Variants in PIGL observed in about 807,000 individuals in gnomAD.
PIGL encodes the protein N-acetylglucosaminyl-phosphatidylinositol de-N-acetylase.
Under a neutral mutation model 31.1 loss-of-function variants are expected in PIGL, and 22 were observed. The ratio of observed to expected loss-of-function variants is 0.71; its 90% CI spans 0.51 to 1.01. PIGL has a LOEUF of 1.01. Among genes scored for constraint, PIGL ranks in the 50% least tolerant of loss-of-function variants. The probability of loss-of-function intolerance (pLI) is 0.00; values close to 1 mark genes in which losing one functional copy is unlikely to be tolerated. For missense variants in PIGL, 302 were observed against 315.9 expected (o/e 0.96, Z 0.33); for synonymous variants, 131 against 117.4 (o/e 1.12, Z -0.75).
intron 2 of PIGL, among the ~76,000 whole-genome samples, chr17:16,277,374 G>A (rs1040056098): frequency 2.0e-5 from 3 of 152,180 alleles, no homozygotes; most frequent in African/African-American, 7.2e-5. Context: ...GAGAAATTGG[G>A]CAGAGAGAAA....
chr17:16,266,857 A>G (rs1049743505), intron 2 of PIGL, among the ~76,000 whole-genome samples: 2 of 139,292 alleles, frequency 1.4e-5, no homozygotes, highest in Non-Finnish European at 3.1e-5. Flanking sequence ...TCAGCCTCCC[A>G]AAGTGCTGGG....
At chr17:16,325,183 A>C (rs2093121870) in intron 6 of PIGL, among the ~76,000 whole-genome samples, 1 of 152,028 alleles carries the variant, frequency 6.6e-6, no homozygotes, top group Admixed American at 6.6e-5. Context: ...GCCTCTACTA[A>C]ATATACAAAA....
intron 6 of PIGL, among the ~76,000 whole-genome samples, chr17:16,325,584 T>C (rs1051213040): frequency 6.6e-6 from 1 of 152,152 alleles, no homozygotes. Flanking sequence ...GTGAGCATTG[T>C]GTGTTATAAT....
At chr17:16,240,458 G>A (rs1281391907) in intron 2 of PIGL, among the ~76,000 whole-genome samples, 3 of 152,054 alleles carry the variant, frequency 2.0e-5, no homozygotes, top group Non-Finnish European at 4.4e-5. Flanking sequence ...GATTATGGAT[G>A]TGAGCCACCA....
chr17:16,227,420 A>G (rs984307489), intron 1 of PIGL, among the ~76,000 whole-genome samples: 1 of 151,898 alleles, frequency 6.6e-6, no homozygotes, highest in African/African-American at 2.4e-5. Flanking sequence ...GAAAGGTAGC[A>G]ATTTCATTAG....
intron 2 of PIGL, among the ~76,000 whole-genome samples, chr17:16,278,160 ATTC>A (rs1379121319): frequency 6.6e-6 from 1 of 152,074 alleles, no homozygotes; most frequent in Non-Finnish European, 1.5e-5. Context: ...GGTTCAAGCA[ATTC>A]TTCTGCCTCA....
At position 16,299,869 on chromosome 17, in the gene PIGL, T is replaced by G. The variant is rs770405710; in HGVS notation, c.336-19T>G. ...TGCCTGATTAGAAAAGGTGTTCAAG[T>G]TGTGCTTCTCTCTTGTAGGGATTTC... On this transcript the variant is annotated intron_variant, in intron 2 of 6. Transcript: ENST00000225609. 7.6e-6 allele frequency: 12 copies of G among 1,586,810 alleles called. No homozygotes were observed. Among genetic ancestry groups the G allele is most frequent in the Admixed American group, 1.7e-5 (1 of 59,994 alleles).
chr17:16,266,635 G>A (rs2092844452), intron 2 of PIGL, among the ~76,000 whole-genome samples: 2 of 151,572 alleles, frequency 1.3e-5, no homozygotes, highest in Admixed American at 1.3e-4. Flanking sequence ...TCGCTCTGTT[G>A]CCCAAGGTGG....
intron 3 of PIGL, among the ~76,000 whole-genome samples, chr17:16,311,643 T>A (rs1363214413): frequency 6.8e-6 from 1 of 147,192 alleles, no homozygotes; most frequent in Non-Finnish European, 1.5e-5. Context: ...TACTTGAGAT[T>A]AGGGAGTGGT....
At chr17:16,266,919 G>T (rs113904563) in intron 2 of PIGL, among the ~76,000 whole-genome samples, 7,238 of 107,436 alleles carry the variant, frequency 0.067, 625 homozygotes, top group African/African-American at 0.22. Context: ...GGGGGGGGGG[G>T]TTGTCGTGGA....
chr17:16,293,445 G>A (rs2092968972), intron 2 of PIGL, among the ~76,000 whole-genome samples: 2 of 152,192 alleles, frequency 1.3e-5, no homozygotes, highest in South Asian at 2.1e-4. Flanking sequence ...GGAGAATGGC[G>A]TGAAGCCAGG....
chr17:16,321,428 C>T (rs1215365906), intron 6 of PIGL, among the ~76,000 whole-genome samples: 1 of 151,708 alleles, frequency 6.6e-6, no homozygotes, highest in African/African-American at 2.4e-5. Context: ...TTAGTAGACA[C>T]GGGGTTTCGC....
chr17:16,293,747 A>T (rs1264139489), intron 2 of PIGL, among the ~76,000 whole-genome samples: 1 of 152,242 alleles, frequency 6.6e-6, no homozygotes, highest in Non-Finnish European at 1.5e-5. Flanking sequence ...GAGTTGTACC[A>T]TGTACCACCT....
intron 2 of PIGL, among the ~76,000 whole-genome samples, chr17:16,249,882 C>T (rs2065720867): frequency 6.6e-6 from 1 of 152,168 alleles, no homozygotes; most frequent in Non-Finnish European, 1.5e-5. Flanking sequence ...ATAAAAATGC[C>T]CAGAAATAAT....
At chr17:16,301,107 A>T (rs2093002538) in intron 3 of PIGL, among the ~76,000 whole-genome samples, 1 of 151,816 alleles carries the variant, frequency 6.6e-6, no homozygotes, top group Non-Finnish European at 1.5e-5. Flanking sequence ...GAAAACATGA[A>T]TCCTGCTGGC....
At chr17:16,302,381 C>A (rs945087757) in intron 3 of PIGL, among the ~76,000 whole-genome samples, 4 of 152,062 alleles carry the variant, frequency 2.6e-5, no homozygotes, top group African/African-American at 7.2e-5. Flanking sequence ...CCTCTTCAGC[C>A]CACACAGTTT....
chr17:16,230,101 T>G (rs938041071), intron 1 of PIGL, among the ~76,000 whole-genome samples: 1 of 152,096 alleles, frequency 6.6e-6, no homozygotes, highest in African/African-American at 2.4e-5. Flanking sequence ...GACCTCGTGA[T>G]CCACCTGCCT....
intron 3 of PIGL, among the ~76,000 whole-genome samples, chr17:16,309,317 T>G (rs1405120321): frequency 6.6e-6 from 1 of 152,190 alleles, no homozygotes; most frequent in Non-Finnish European, 1.5e-5. Context: ...TAGATTAGTC[T>G]TCTTCTAGGG....
chr17:16,317,251 A>T (rs1233903293), intron 5 of PIGL: 1 of 1,003,658 alleles, frequency 1.0e-6, no homozygotes, highest in East Asian at 9.4e-5. Flanking sequence ...TCTATGTGGG[A>T]TGACTGAAAG....
Sources: allele counts gnomAD v4.1 joint callset (sites outside exome capture counted in the v4.1 genomes callset), GRCh38; gene constraint gnomAD v4.1.1; transcripts MANE v1.5; gene names NCBI Gene and HGNC (gene_info 2026-07-23, HGNC 2026-07-21).